GEM: variants seen among roughly 807,000 people sequenced by gnomAD.
GEM encodes GTP-binding protein GEM.
GEM carries 31 observed loss-of-function variants against 33.0 expected under a neutral mutation model. The observed-to-expected ratio is 0.94, with a 90% CI of 0.71 to 1.27. The LOEUF (loss-of-function observed/expected upper bound fraction) is 1.27, where lower values mean the gene tolerates loss of function less well. Among genes scored for constraint, GEM ranks in the 50% most tolerant of loss-of-function variants. GEM has a pLI of 0.00. For missense variants in GEM, 354 were observed against 390.5 expected (o/e 0.91, Z 0.79); for synonymous variants, 141 against 143.7 (o/e 0.98, Z 0.13).
chr8:94,254,790 G>A (rs1808852127), intron 2 of GEM, among the ~76,000 whole-genome samples: 1 of 152,222 alleles, frequency 6.6e-6, no homozygotes, highest in African/African-American at 2.4e-5. Context: ...TAAGAAGAGA[G>A]TTAACCAGGC....
chr8:94,261,919 A>G (rs550007268), intron 1 of GEM, among the ~76,000 whole-genome samples, 171 bp downstream of exon 1: 1 of 152,276 alleles, frequency 6.6e-6, no homozygotes, highest in Non-Finnish European at 1.5e-5. Flanking sequence ...TCTCAAAAGC[A>G]GCACCTCAGT....
In GEM at chr8:94,252,167, A is replaced by G; in HGVS notation, c.465T>C (p.Ile155=). Residue 155 remains isoleucine, a synonymous_variant, in exon 4 of 5, where the codon ATT becomes ATC. Transcript: ENST00000297596. The part of the protein sequence containing the change: ...HCMQVGDAYL[I]VYSITDRASF... ...TCGCTCGGTCTGTGATTGAGTAGAC[A>G]ATCAGGTATGCGTCCCCGACCTGCA... 6.2e-7 allele frequency: 1 copy of G among 1,613,810 alleles called. No individual in the cohort carries two copies. Among genetic ancestry groups the G allele is most frequent in the Non-Finnish European group, 8.5e-7 (1 of 1,179,766 alleles).
intron 1 of GEM, among the ~76,000 whole-genome samples, chr8:94,261,609 T>G (rs2470724): frequency 0.57 from 86,133 of 152,052 alleles, 24,822 homozygotes; most frequent in Middle Eastern, 0.64. Flanking sequence ...GTGATCCTCC[T>G]GCCTCGGCTT....
chr8:94,253,236 T>C (rs1808816885), intron 2 of GEM, 124 bp from the exon 3 acceptor site: 1 of 643,868 alleles, frequency 1.6e-6, no homozygotes, highest in Admixed American at 2.7e-5. Context: ...TATGTAAGTA[T>C]ACAGATATTT....
At chr8:94,259,332 T>C (rs1407773884) in intron 2 of GEM, among the ~76,000 whole-genome samples, 2 of 152,286 alleles carry the variant, frequency 1.3e-5, no homozygotes, top group African/African-American at 4.8e-5. Context: ...ACACAGACCA[T>C]GTGACTTGGG....
rs758803093 is a variant in GEM, at chr8:94,260,328, G to A, written c.176C>T (p.Ser59Phe). The A allele has an allele frequency of 5.0e-6, 8 of 1,614,230 alleles. No individual in the cohort carries two copies. Among genetic ancestry groups the A allele is most frequent in the Non-Finnish European group, 6.8e-6 (8 of 1,180,030 alleles). ...TPEDHCRRSW[S>F]SDSTDSVISS... ...GATGACTGAGTCTGTGGAGTCAGAG[G>A]ACCAGCTTCGGCGGCAGTGGTCCTC... The change falls in exon 2 of 5, where the codon TCC (serine) becomes TTC (phenylalanine). Residue 59 changes from serine to phenylalanine, a missense_variant. Transcript: ENST00000297596.
Position 94,252,099 on chromosome 8 carries a change from G to A in GEM, c.533C>T (p.Ala178Val), listed in dbSNP as rs770594268. 1.2e-6 allele frequency: 2 copies of A among 1,613,930 alleles called. No homozygotes were observed. Among genetic ancestry groups the A allele is most frequent in the African/African-American group, 2.7e-5 (2 of 74,920 alleles). The change falls in exon 4 of 5, where the codon GCC (alanine) becomes GTC (valine). Residue 178 changes from alanine to valine, a missense_variant. Coordinates refer to ENST00000297596, the MANE Select transcript of GEM (RefSeq NM_005261.4). ...TATGGGAATGTCCTCTGTCTGCCGG[G>A]CCCTGCGGAGCTGGATTCGCAGCTC... ...ASELRIQLRR[A>V]RQTEDIPIIL...
At chr8:94,255,731 G>A (rs1020850228) in intron 2 of GEM, among the ~76,000 whole-genome samples, 1 of 152,206 alleles carries the variant, frequency 6.6e-6, no homozygotes, top group Non-Finnish European at 1.5e-5. Flanking sequence ...TTTGGATACT[G>A]ATTAGTCTCT....
intron 1 of GEM, 120 bp from the exon 2 acceptor site, chr8:94,260,632 C>T (rs1476415377): frequency 1.6e-6 from 1 of 626,772 alleles, no homozygotes; most frequent in African/African-American, 1.8e-5. Context: ...GTATCCCTAA[C>T]ATAAAGACCA....
Position 94,260,568 on chromosome 8 carries a change from C to T in GEM, c.-9-56G>A, listed in dbSNP as rs916527084. 43 of 942,178 alleles carry T rather than the reference C, an allele frequency of 4.6e-5. No individual in the cohort carries two copies. The African/African-American group carries it at 6.5e-4, about 14-fold the overall frequency. The allele number at this position is 942,178 out of a possible 1,614,324, so 58.4% of individuals were successfully genotyped here. ...TTAGTAAGCATGAGTGAGAGCTCCG[C>T]TCAAATACATGGTCAGTCATCAGTA... On this transcript the variant is annotated intron_variant, in intron 1 of 4. Transcript: ENST00000297596.
intron 2 of GEM, among the ~76,000 whole-genome samples, chr8:94,256,608 T>C (rs74753485): frequency 0.035 from 5,252 of 152,174 alleles, 282 homozygotes; most frequent in African/African-American, 0.12. Context: ...CCAGCTTTCA[T>C]AGCTCAGGGG....
Position 94,250,026 on chromosome 8 carries a change from C to A in GEM, c.*284G>T. On this transcript the variant is annotated 3_prime_UTR_variant, in exon 5 of 5. Transcript: ENST00000297596. ...GGCATTCTTTGTAAGCTTTACTTCT[C>A]TACTATCCAAAATAGAAGAAACACA... 2.7e-6 allele frequency: 1 copy of A among 365,434 alleles called. No individual in the cohort carries two copies. The highest frequency in any genetic ancestry group is 7.6e-5 in the South Asian group (1 of 13,086). 22.6% of individuals were successfully genotyped at this position (365,434 alleles called of 1,614,324 possible). A position where few individuals can be genotyped will look rare whatever the true frequency, so the allele number is the denominator to read the frequency against.
intron 2 of GEM, among the ~76,000 whole-genome samples, 169 bp from the exon 3 acceptor site, chr8:94,253,281 C>A (rs1174246006): frequency 6.6e-6 from 1 of 152,226 alleles, no homozygotes; most frequent in Non-Finnish European, 1.5e-5. Context: ...TCACCTTCAA[C>A]AACATTCTAC....
At position 94,252,062 on chromosome 8, in the gene GEM, G is replaced by T. The variant is rs1205161435; in HGVS notation, c.570C>A (p.Gly190=). The T allele has an allele frequency of 6.2e-7, 1 of 1,613,954 alleles. No homozygotes were observed. Among genetic ancestry groups the T allele is most frequent in the Non-Finnish European group, 8.5e-7 (1 of 1,179,974 alleles). ...QTEDIPIILV[G]NKSDLVRCRE... ...GGCACCGCACTAAGTCACTTTTGTT[G>T]CCAACCAAAATTATGGGAATGTCCT... The change falls in exon 4 of 5, where the codon GGC becomes GGA. Residue 190 remains glycine, a synonymous_variant. Transcript: ENST00000297596.
In GEM at chr8:94,252,004, C is replaced by G; in HGVS notation, c.613+15G>C. ...CCAGCGATTGTTTCTACAGTATTGG[C>G]TCTGCTCCTCTTACCTGATACAGAC... On this transcript the variant is annotated intron_variant, in intron 4 of 4. Transcript: ENST00000297596. 6.3e-7 allele frequency: 1 copy of G among 1,591,758 alleles called. No individual in the cohort carries two copies. Among genetic ancestry groups the G allele is most frequent in the Non-Finnish European group, 8.6e-7 (1 of 1,159,598 alleles).
chr8:94,260,160 C>T lies in GEM; in HGVS notation c.331+13G>A, dbSNP rs1482726815. On this transcript the variant is annotated intron_variant, in intron 2 of 4. Transcript: ENST00000297596. ...CCTGGTGGAAAGAAGCCCACTGGGG[C>T]TGGGACACCTACCTCCCAGCACCTC... 1.9e-6 allele frequency: 3 copies of T among 1,556,376 alleles called. No homozygotes were observed. In the East Asian group the frequency reaches 6.8e-5, roughly 35 times the overall value.
intron 2 of GEM, among the ~76,000 whole-genome samples, chr8:94,255,268 C>A (rs2129763007): frequency 1.3e-5 from 2 of 152,260 alleles, no homozygotes; most frequent in Middle Eastern, 6.8e-3. Flanking sequence ...CAGAACAAGT[C>A]TAGAGAAAAA....
intron 2 of GEM, among the ~76,000 whole-genome samples, chr8:94,259,113 CAAT>C (rs1439313050): frequency 2.6e-5 from 4 of 152,150 alleles, no homozygotes; most frequent in East Asian, 3.8e-4. Flanking sequence ...AATGTTACAA[CAAT>C]GAGTCATTAT....
chr8:94,257,013 C>T (rs1037085829), intron 2 of GEM, among the ~76,000 whole-genome samples: 3 of 152,166 alleles, frequency 2.0e-5, no homozygotes, highest in African/African-American at 7.2e-5. Context: ...CATCATCAAA[C>T]CCCAAGCCCA....
Sources: gnomAD v4.1 joint callset for allele counts (sites outside exome capture counted in the v4.1 genomes callset) on GRCh38, gnomAD v4.1.1 for gene constraint, MANE v1.5 for transcripts, NCBI Gene and HGNC (gene_info 2026-07-23, HGNC 2026-07-21) for gene names.